Variants in PDZD4 observed in about 807,000 individuals in gnomAD.
PDZD4 encodes the protein PDZ domain-containing protein 4.
PDZD4 carries 9 observed loss-of-function variants against 38.5 expected under a neutral mutation model. The ratio of observed to expected loss-of-function variants is 0.23; its 90% CI spans 0.14 to 0.41. The LOEUF is 0.41. PDZD4 is among the 10% of genes least tolerant of loss of function. The pLI is 1.00. For synonymous variants in PDZD4, 349 were observed against 315.7 expected (o/e 1.11, Z -1.12); for missense variants, 612 against 722.0 (o/e 0.85, Z 1.75).
intron 1 of PDZD4, among the ~76,000 whole-genome samples, chrX:153,827,854 G>T (rs1251735189): frequency 8.9e-6 from 1 of 112,034 alleles, no homozygotes; most frequent in Non-Finnish European, 1.9e-5. Context: ...GTAGGAGAAT[G>T]ATAGCTCAAT....
At chrX:153,810,775 C>A (rs1557078628) in intron 1 of PDZD4, among the ~76,000 whole-genome samples, 1 of 112,177 alleles carries the variant, frequency 8.9e-6, no homozygotes, top group Non-Finnish European at 1.9e-5. Context: ...GAGGAGAGCC[C>A]AGCTTGTCCT....
intron 1 of PDZD4, among the ~76,000 whole-genome samples, chrX:153,819,644 G>A (rs2064401308): frequency 8.9e-6 from 1 of 112,389 alleles, no homozygotes; most frequent in South Asian, 3.6e-4. Context: ...TCTCAGCTCT[G>A]CCGTCTGGAG....
chrX:153,807,437 C>T, intron 2 of PDZD4, 68 bp from the exon 3 acceptor site: 1 of 1,051,562 alleles, frequency 9.5e-7, no homozygotes, highest in Non-Finnish European at 1.3e-6. Context: ...AGCTCCCAGG[C>T]AGGCCGATCC....
intron 1 of PDZD4, among the ~76,000 whole-genome samples, chrX:153,816,123 C>A (rs140818694): frequency 0.044 from 4,320 of 99,243 alleles, 216 homozygotes; most frequent in African/African-American, 0.15. Context: ...AGAAAGCCAC[C>A]GCCACCCCCA....
Position 153,803,399 on chromosome X carries a change from T to C in PDZD4, c.2282A>G (p.Asp761Gly). 1 of 1,142,190 alleles carries C rather than the reference T, an allele frequency of 8.8e-7. No homozygotes were observed. Among genetic ancestry groups the C allele is most frequent in the Non-Finnish European group, 1.2e-6 (1 of 863,529 alleles). 94.1% of individuals were successfully genotyped at this position (1,142,190 alleles called of 1,213,427 possible). Residue 761 changes from aspartate to glycine, a missense_variant, in exon 8 of 8, where the codon GAT becomes GGT. Coordinates refer to ENST00000393758, the MANE Select transcript of PDZD4 (RefSeq NM_001303512.2). The stretch of plus-strand genomic sequence containing the variant: ...AAGAGGGTTGTAGACCCGCTTGCCA[T>C]CGGCGGAGCGCGCGCCGTGGGCCAG... ...EMLAHGARSADGKRVYNPLLS... is the reference protein window; with the variant it reads ...EMLAHGARSAGGKRVYNPLLS...
Position 153,808,156 on chromosome X carries a change from C to T in PDZD4, c.314+186G>A, listed in dbSNP as rs186122523. 7.1e-3 allele frequency: 7,588 copies of T among 1,072,871 alleles called. 527 individuals carry two copies. In the Admixed American group the frequency reaches 0.22, roughly 31 times the overall value. The allele number at this position is 1,072,871 out of a possible 1,213,427, so 88.4% of individuals were successfully genotyped here. Reference sequence around the variant, plus strand: ...CCCTCGGCCCTGGGGGTAGATACAACGGGGCGCCTGCTGGAGCCCGGCCCA... The same window carrying T: ...CCCTCGGCCCTGGGGGTAGATACAATGGGGCGCCTGCTGGAGCCCGGCCCA... On this transcript the variant is annotated intron_variant, in intron 2 of 7. Transcript: ENST00000393758.
chrX:153,821,496 A>C (rs189963863), intron 1 of PDZD4, among the ~76,000 whole-genome samples: 241 of 110,503 alleles, frequency 2.2e-3, no homozygotes, highest in African/African-American at 7.6e-3. Context: ...AAAAAAAACA[A>C]CACCTCACTT....
chrX:153,803,310 C>T lies in PDZD4; in HGVS notation c.*43G>A, dbSNP rs782196573. Reference sequence around the variant, plus strand: ...TATAGGAGAGTGAGGGCCGGGGCCCCAGGGGGTTCCCTGGGCCTGGGCCGT... The same window carrying T: ...TATAGGAGAGTGAGGGCCGGGGCCCTAGGGGGTTCCCTGGGCCTGGGCCGT... On this transcript the variant is annotated 3_prime_UTR_variant, in exon 8 of 8. Transcript: ENST00000393758. 1 of 1,097,126 alleles carries T rather than the reference C, an allele frequency of 9.1e-7. No homozygotes were observed. The highest frequency in any genetic ancestry group is 3.4e-5 in the Admixed American group (1 of 29,741). The allele number at this position is 1,097,126 out of a possible 1,213,427, so 90.4% of individuals were successfully genotyped here.
At chrX:153,815,695 G>C (rs1237634808) in intron 1 of PDZD4, among the ~76,000 whole-genome samples, 1 of 109,918 alleles carries the variant, frequency 9.1e-6, no homozygotes. Flanking sequence ...GAGGAATGAA[G>C]CACAGGCCCC....
intron 1 of PDZD4, chrX:153,829,889 CCCCG>C: frequency 1.2e-6 from 1 of 808,765 alleles, no homozygotes; most frequent in Non-Finnish European, 1.5e-6. Flanking sequence ...ATTCGGCGCC[CCCCG>C]CACGGCGGGA....
intron 1 of PDZD4, among the ~76,000 whole-genome samples, chrX:153,810,401 G>A (rs782004872): frequency 4.4e-4 from 49 of 112,591 alleles, no homozygotes; most frequent in African/African-American, 1.5e-3. Flanking sequence ...ACAGGGCCAA[G>A]AAAAGACCCA....
intron 6 of PDZD4, 116 bp from the exon 7 acceptor site, chrX:153,805,323 A>T: frequency 1.3e-6 from 1 of 755,029 alleles, no homozygotes; most frequent in Non-Finnish European, 2.0e-6. Flanking sequence ...ACCTGGGGGC[A>T]GCGTCCCAGC....
rs782079509 is a variant in PDZD4 at position 153,803,850 on chromosome X, C to T, written c.1831G>A (p.Gly611Ser). ...GCCACCCCGCCCACCCGAGGGCCACCGGCCAAGCTCAGGGGGCCGTGGCCC... is the reference window on the plus strand; with the variant it reads ...GCCACCCCGCCCACCCGAGGGCCACTGGCCAAGCTCAGGGGGCCGTGGCCC... ...ELGHGPLSLA[G>S]GPRVGGVAAA... is the part of the protein sequence containing the mutation. Residue 611 changes from glycine to serine, a missense_variant, in exon 8 of 8, where the codon GGT becomes AGT. Gly to Ser is a moderately conservative substitution (Grantham distance 56, BLOSUM62 0). This residue lies in a region of PDZD4 where 300 missense variants were observed against 284.6 expected (regional missense o/e 1.05). Coordinates refer to ENST00000393758, the MANE Select transcript of PDZD4 (RefSeq NM_001303512.2). 8.4e-7 allele frequency: 1 copy of T among 1,191,013 alleles called. No homozygotes were observed. The highest frequency in any genetic ancestry group is 1.8e-5 in the South Asian group (1 of 54,824).
chrX:153,827,137 AAAG>A (rs1261442315), intron 1 of PDZD4, among the ~76,000 whole-genome samples: 1 of 112,406 alleles, frequency 8.9e-6, no homozygotes. Flanking sequence ...ACATTTTTCT[AAAG>A]AAGATCCACA....
Position 153,804,715 on chromosome X carries a change from G to A in PDZD4, c.966C>T (p.Gly322=). Residue 322 remains glycine (G), a synonymous_variant, in exon 8 of 8, where the codon GGC becomes GGT. Transcript: ENST00000393758. ...GGCTCTGCAGGGCGTCCCCTTGCAG[G>A]CCAAACTTGCGCAGGCTTCCCGGGG... ...TNTPGSLRKF[G]LQGDALQSRD... is the part of the protein sequence containing the mutation. 1 of 1,211,144 alleles carries A rather than the reference G, an allele frequency of 8.3e-7. No individual in the cohort carries two copies. Among genetic ancestry groups the A allele is most frequent in the Non-Finnish European group, 1.1e-6 (1 of 895,528 alleles).
chrX:153,817,115 C>T (rs782427129), intron 1 of PDZD4, among the ~76,000 whole-genome samples: 6 of 111,319 alleles, frequency 5.4e-5, no homozygotes, highest in East Asian at 2.8e-4. Context: ...GGAGAGGACG[C>T]GGGGACCCTG....
chrX:153,807,833 C>T (rs2064269076), intron 2 of PDZD4: 2 of 974,022 alleles, frequency 2.1e-6, no homozygotes, highest in African/African-American at 3.9e-5. Flanking sequence ...GTTGGCTGCT[C>T]ATGGCCCTGT....
rs2148460679 is a variant in PDZD4 at position 153,807,468 on chromosome X, C to T, written c.315-99G>A. 3 of 872,789 alleles carry T rather than the reference C, an allele frequency of 3.4e-6. No individual in the cohort carries two copies. In the East Asian group the frequency reaches 1.0e-4, roughly 30 times the overall value. 71.9% of individuals were successfully genotyped at this position (872,789 alleles called of 1,213,427 possible). On this transcript the variant is annotated intron_variant, in intron 2 of 7. Coordinates refer to ENST00000393758, the MANE Select transcript of PDZD4 (RefSeq NM_001303512.2). ...GATCCCAGCGTGCCTGGCACGGAGG[C>T]CTGCTCTGCTTGTGCTCTCAAGGGT... is the stretch of plus-strand genomic sequence containing the variant.
In PDZD4 at chrX:153,804,415, T is replaced by C; in HGVS notation, c.1266A>G (p.Ile422Met). The change falls in exon 8 of 8, where the codon ATA (isoleucine) becomes ATG (methionine). Residue 422 changes from isoleucine (I) to methionine (M), a missense_variant. Ile to Met is a conservative substitution (Grantham distance 10). This residue lies in a region of PDZD4 where 300 missense variants were observed against 284.6 expected (regional missense o/e 1.05). Coordinates refer to ENST00000393758, the MANE Select transcript of PDZD4 (RefSeq NM_001303512.2). The stretch of plus-strand genomic sequence containing the variant: ...GCTGCTGCATCTTCTGCGCCCGCAG[T>C]ATGTTGCGGCACTTGAATTCCAGGT... ...LRHLEFKCRNILRAQKMQQLR... is the reference protein window; with the variant it reads ...LRHLEFKCRNMLRAQKMQQLR... 1 of 1,209,495 alleles carries C rather than the reference T, an allele frequency of 8.3e-7. No homozygotes were observed.
Sources: allele counts gnomAD v4.1 joint callset (sites outside exome capture counted in the v4.1 genomes callset), GRCh38; gene constraint gnomAD v4.1.1; regional missense constraint gnomAD v4.1.1; transcripts MANE v1.5; gene names NCBI Gene and HGNC (gene_info 2026-07-23, HGNC 2026-07-21).